RAD52: variants seen among roughly 807,000 people sequenced by gnomAD.
RAD52 encodes the protein DNA repair protein RAD52 homolog.
RAD52 carries 47 observed loss-of-function variants against 55.5 expected under a neutral mutation model. The observed-to-expected ratio is 0.85, with a 90% CI of 0.67 to 1.08. The LOEUF (loss-of-function observed/expected upper bound fraction) is 1.08. Ranked by LOEUF, RAD52 falls within the 50% of genes least tolerant of loss-of-function variation. RAD52 has a pLI of 0.00. For synonymous variants in RAD52, 184 were observed against 198.9 expected (o/e 0.92, Z 0.63); for missense variants, 468 against 522.8 (o/e 0.90, Z 1.02).
chr12:963,984 G>A (rs974379804), intron 1 of RAD52, among the ~76,000 whole-genome samples: 1 of 152,126 alleles, frequency 6.6e-6, no homozygotes, highest in African/African-American at 2.4e-5. Flanking sequence ...TGCAAGGGGG[G>A]AAGAGTGTTC....
chr12:914,946 C>T (rs1287063512), intron 9 of RAD52, among the ~76,000 whole-genome samples: 1 of 152,258 alleles, frequency 6.6e-6, no homozygotes, highest in East Asian at 1.9e-4. Context: ...TCGCTTGAAA[C>T]CAGGAATTCG....
At chr12:956,850 T>C (rs531436044) in intron 1 of RAD52, among the ~76,000 whole-genome samples, 127 of 152,252 alleles carry the variant, frequency 8.3e-4, no homozygotes, top group African/African-American at 2.9e-3. Context: ...CCTGGCCCCA[T>C]TTCCATATTC....
At chr12:982,715 G>A (rs1263839355) in intron 1 of RAD52, among the ~76,000 whole-genome samples, 1 of 135,620 alleles carries the variant, frequency 7.4e-6, no homozygotes, top group Non-Finnish European at 1.5e-5. Context: ...ACATAGGCTG[G>A]AGCGCAGTGG....
At chr12:929,738 A>G (rs1172765682) in intron 5 of RAD52, 81 bp downstream of exon 5, 4 of 1,364,262 alleles carry the variant, frequency 2.9e-6, no homozygotes, top group South Asian at 2.3e-5. Flanking sequence ...GTCCCCGTCC[A>G]GCTACCTACT....
At chr12:948,319 G>A (rs1958369354) in intron 1 of RAD52, among the ~76,000 whole-genome samples, 1 of 152,158 alleles carries the variant, frequency 6.6e-6, no homozygotes, top group African/African-American at 2.4e-5. Flanking sequence ...TTCTTTTAGG[G>A]ATGATAAAAA....
chr12:984,128 A>G (rs746737717), intron 1 of RAD52, among the ~76,000 whole-genome samples: 3 of 152,088 alleles, frequency 2.0e-5, no homozygotes, highest in Non-Finnish European at 4.4e-5. Context: ...GAAACTCTAT[A>G]CCCATTAAAC....
upstream of RAD52, among the ~76,000 whole-genome samples, chr12:953,952 C>G (rs1282978033): frequency 6.6e-6 from 1 of 152,208 alleles, no homozygotes; most frequent in Non-Finnish European, 1.5e-5. Context: ...TGACAGCTTG[C>G]TCTCCACCGC....
chr12:973,782 CTTTTTTTTTTTT>C, intron 1 of RAD52, among the ~76,000 whole-genome samples: 1 of 113,480 alleles, frequency 8.8e-6, no homozygotes, highest in South Asian at 2.9e-4. Context: ...CCCAGTCCTT[CTTTTTTTTTTTT>C]TTTTTTTTTT....
Position 913,445 on chromosome 12 carries a change from C to G in RAD52, c.1203G>C (p.Trp401Cys), listed in dbSNP as rs779226117. The G allele has an allele frequency of 6.2e-7, 1 of 1,602,776 alleles. No individual in the cohort carries two copies. Among genetic ancestry groups the G allele is most frequent in the South Asian group, 1.1e-5 (1 of 90,724 alleles). Residue 401 changes from tryptophan (W) to cysteine (C), a missense_variant, in exon 12 of 12, where the codon TGG becomes TGC. By Grantham distance (215) the Trp-to-Cys change is radical. Transcript: ENST00000358495. Reference sequence around the variant, plus strand: ...TGTCCTGGCTCTTCCTATGAGATTCCCAGTTTCCTATGGAAGACAAAATGG... The same window carrying G: ...TGTCCTGGCTCTTCCTATGAGATTCGCAGTTTCCTATGGAAGACAAAATGG... ...YSADQRTTGN[W>C]ESHRKSQDMK...
At chr12:934,910 C>G (rs1336006887) in intron 1 of RAD52, among the ~76,000 whole-genome samples, 1 of 151,980 alleles carries the variant, frequency 6.6e-6, no homozygotes, top group Admixed American at 6.6e-5. Flanking sequence ...GTCAGGAGTT[C>G]GAGATCAGCC....
chr12:944,014 A>T (rs1339757600), intron 1 of RAD52, among the ~76,000 whole-genome samples: 1 of 151,886 alleles, frequency 6.6e-6, no homozygotes, highest in Non-Finnish European at 1.5e-5. Context: ...TGAGGAGTTC[A>T]AGACCAGCCT....
At chr12:917,846 G>C (rs1197727157) in intron 7 of RAD52, among the ~76,000 whole-genome samples, 2 of 82 alleles carry the variant, frequency 0.024, no homozygotes, top group South Asian at 0.33. Context: ...GGCTGAGGCA[G>C]GGAGAATCAC....
intron 1 of RAD52, among the ~76,000 whole-genome samples, chr12:981,581 C>T (rs1418915470): frequency 6.6e-6 from 1 of 151,800 alleles, no homozygotes; most frequent in Non-Finnish European, 1.5e-5. Context: ...ACATGGGTCC[C>T]AAGCAAATTC....
chr12:936,305 AAAAAC>A (rs1020723302), intron 1 of RAD52, among the ~76,000 whole-genome samples: 6 of 152,074 alleles, frequency 3.9e-5, no homozygotes, highest in African/African-American at 9.7e-5. Context: ...CTCTTTCTCA[AAAAAC>A]AAAACAAAAC....
At chr12:916,510 G>C (rs759739389) in intron 8 of RAD52, 27 bp from the exon 9 acceptor site, 2 of 1,606,180 alleles carry the variant, frequency 1.2e-6, no homozygotes, top group Non-Finnish European at 1.7e-6. Flanking sequence ...CGGCGAGGAC[G>C]GGCTCCTGAG....
chr12:987,979 T>C (rs530705436), intron 1 of RAD52, among the ~76,000 whole-genome samples: 14 of 152,306 alleles, frequency 9.2e-5, no homozygotes, highest in Non-Finnish European at 1.3e-4. Context: ...CCTATTTTCT[T>C]TTCTTTTTTG....
chr12:917,293 C>T (rs1385021925), intron 7 of RAD52, among the ~76,000 whole-genome samples: 3 of 152,204 alleles, frequency 2.0e-5, no homozygotes, highest in Admixed American at 2.0e-4. Context: ...CGGACGCCGG[C>T]TGCCAGCCAA....
intron 7 of RAD52, among the ~76,000 whole-genome samples, chr12:921,298 C>T (rs980980213): frequency 5.9e-5 from 9 of 152,094 alleles, no homozygotes; most frequent in Middle Eastern, 3.4e-3. Context: ...AAAAACAATA[C>T]GAAAAAGCTC....
chr12:953,754 T>G (rs114109281), upstream of RAD52, among the ~76,000 whole-genome samples: 1,017 of 152,332 alleles, frequency 6.7e-3, 6 homozygotes, highest in African/African-American at 0.023. Context: ...CGTGCCTGCC[T>G]GCCACAGCAT....
Sources: allele counts gnomAD v4.1 joint callset (sites outside exome capture counted in the v4.1 genomes callset), GRCh38; gene constraint gnomAD v4.1.1; transcripts MANE v1.5; gene names NCBI Gene and HGNC (gene_info 2026-07-23, HGNC 2026-07-21).